SLC9B1: variants seen among roughly 807,000 people sequenced by gnomAD.
SLC9B1 encodes solute carrier family 9 member B1, also known as sodium/hydrogen exchanger 9B1.
A neutral mutation model predicts 51.7 loss-of-function variants in SLC9B1; 32 were observed. That is an observed-to-expected ratio of 0.62 (90% CI 0.47 to 0.83). The LOEUF (loss-of-function observed/expected upper bound fraction) is 0.83. SLC9B1 is among the 40% of genes least tolerant of loss of function. The probability of loss-of-function intolerance (pLI) is 0.00; values close to 1 mark genes in which losing one functional copy is unlikely to be tolerated. For synonymous variants in SLC9B1, 145 were observed against 212.7 expected, an observed-to-expected ratio of 0.68 and a Z score of 2.77; for missense variants, 406 against 613.2, an observed-to-expected ratio of 0.66 and a Z score of 3.57.
intron 3 of SLC9B1, among the ~76,000 whole-genome samples, chr4:102,977,817 TA>T (rs1364734386): frequency 6.6e-6 from 1 of 152,218 alleles, no homozygotes; most frequent in Non-Finnish European, 1.5e-5. Context: ...ATTCTTTTTT[TA>T]TTATTATACT....
chr4:103,017,703 A>ACT (rs36039677), intron 1 of SLC9B1, among the ~76,000 whole-genome samples: 87,355 of 151,786 alleles, frequency 0.58, 26,378 homozygotes, highest in African/African-American at 0.77. Flanking sequence ...AGACCTTTAC[A>ACT]GTTTTACTTC....
chr4:102,994,899 C>T (rs540293730), intron 1 of SLC9B1, among the ~76,000 whole-genome samples: 2 of 152,200 alleles, frequency 1.3e-5, no homozygotes, highest in African/African-American at 2.4e-5. Flanking sequence ...CATTGTTCCA[C>T]CCCTGACACA....
intron 1 of SLC9B1, among the ~76,000 whole-genome samples, chr4:102,999,511 T>C (rs1453447144): frequency 6.6e-6 from 1 of 152,248 alleles, no homozygotes; most frequent in African/African-American, 2.4e-5. Flanking sequence ...TTCAATTTTC[T>C]ATCTTGGCTT....
chr4:102,933,776 A>G (rs1736577785), intron 6 of SLC9B1, among the ~76,000 whole-genome samples: 2 of 152,232 alleles, frequency 1.3e-5, no homozygotes, highest in Non-Finnish European at 2.9e-5. Context: ...AAAAACACAA[A>G]ATATCTAAGA....
At chr4:102,993,705 C>T (rs1026173768) in intron 1 of SLC9B1, among the ~76,000 whole-genome samples, 3 of 152,194 alleles carry the variant, frequency 2.0e-5, no homozygotes, top group African/African-American at 4.8e-5. Flanking sequence ...GAGGGCTCTG[C>T]CACTGGAGTA....
intron 6 of SLC9B1, among the ~76,000 whole-genome samples, chr4:102,943,336 C>T (rs1351757898): frequency 1.3e-5 from 2 of 151,762 alleles, no homozygotes; most frequent in East Asian, 3.9e-4. Flanking sequence ...GGTATCTACC[C>T]AGAGGAAAAG....
At chr4:102,964,261 A>G (rs1243734941) in intron 3 of SLC9B1, among the ~76,000 whole-genome samples, 1 of 152,100 alleles carries the variant, frequency 6.6e-6, no homozygotes, top group African/African-American at 2.4e-5. Context: ...AAAAGGAAAA[A>G]AAAAACAAAT....
At chr4:102,971,293 A>G (rs1414792055) in intron 3 of SLC9B1, among the ~76,000 whole-genome samples, 1 of 152,230 alleles carries the variant, frequency 6.6e-6, no homozygotes, top group African/African-American at 2.4e-5. Context: ...ACTGTCTCCC[A>G]GACCACAGTG....
chr4:102,929,037 G>A (rs1312542675), intron 7 of SLC9B1, among the ~76,000 whole-genome samples: 2 of 152,168 alleles, frequency 1.3e-5, no homozygotes, highest in African/African-American at 4.8e-5. Flanking sequence ...GACCCACACT[G>A]AGGGTGGATC....
intron 3 of SLC9B1, among the ~76,000 whole-genome samples, chr4:102,958,649 G>A (rs1195573327): frequency 5.3e-5 from 8 of 152,084 alleles, no homozygotes; most frequent in South Asian, 2.1e-4. Context: ...GAGGCCAGGC[G>A]CAGTGGCTCA....
chr4:102,925,699 C>CAAAAAAAAAAAAAAAAAAAA (rs3974607), intron 7 of SLC9B1, among the ~76,000 whole-genome samples: 1 of 137,352 alleles, frequency 7.3e-6, no homozygotes, highest in Non-Finnish European at 1.6e-5. Context: ...TTCTTTTGTC[C>CAAAAAAAAAAAAAAAAAAAA]AAAAAAAAAA....
intron 3 of SLC9B1, among the ~76,000 whole-genome samples, chr4:102,949,789 C>T (rs1737452091): frequency 6.6e-6 from 1 of 151,868 alleles, no homozygotes; most frequent in African/African-American, 2.4e-5. Flanking sequence ...AGTGAAATCC[C>T]GTCTCTACTA....
At chr4:102,998,675 C>T (rs746046633) in intron 1 of SLC9B1, among the ~76,000 whole-genome samples, 1 of 151,810 alleles carries the variant, frequency 6.6e-6, no homozygotes, top group Admixed American at 6.6e-5. Flanking sequence ...CCAGTTTCTC[C>T]ACATGCAGGC....
At chr4:103,011,305 A>G (rs2110541978) in intron 1 of SLC9B1, among the ~76,000 whole-genome samples, 1 of 152,290 alleles carries the variant, frequency 6.6e-6, no homozygotes, top group East Asian at 1.9e-4. Context: ...TCTGCATACA[A>G]TGGGGAAGGG....
chr4:102,956,348 A>G (rs1284447414), intron 3 of SLC9B1, among the ~76,000 whole-genome samples: 1 of 151,650 alleles, frequency 6.6e-6, no homozygotes, highest in Non-Finnish European at 1.5e-5. Context: ...CCTGGAAAGG[A>G]GAGAATAATA....
chr4:103,000,959 T>C (rs78675250), intron 1 of SLC9B1, among the ~76,000 whole-genome samples: 2,468 of 152,330 alleles, frequency 0.016, 64 homozygotes, highest in African/African-American at 0.053. Context: ...GAGGTTCTTC[T>C]TGAGGCTCCA....
At chr4:102,893,146 A>G (rs1734335190) in intron 11 of SLC9B1, among the ~76,000 whole-genome samples, 1 of 151,764 alleles carries the variant, frequency 6.6e-6, no homozygotes, top group Admixed American at 6.6e-5. Flanking sequence ...GCTGGGCATG[A>G]TGGCGGATGC....
At chr4:103,002,723 T>C (rs1740590522) in intron 1 of SLC9B1, among the ~76,000 whole-genome samples, 1 of 152,240 alleles carries the variant, frequency 6.6e-6, no homozygotes. Flanking sequence ...TGCTATTCCA[T>C]TGCCTCTGAG....
chr4:102,944,312 A>G (rs371628243), intron 6 of SLC9B1, among the ~76,000 whole-genome samples: 1 of 151,932 alleles, frequency 6.6e-6, no homozygotes. Context: ...AATAATCTGC[A>G]TACCAAACCC....
Sources: allele counts gnomAD v4.1 joint callset (sites outside exome capture counted in the v4.1 genomes callset), GRCh38; gene constraint gnomAD v4.1.1; transcripts MANE v1.5; gene names NCBI Gene and HGNC (gene_info 2026-07-23, HGNC 2026-07-21).